Variants in CNBD1 observed in about 807,000 individuals in gnomAD.
The protein encoded by CNBD1 is cyclic nucleotide-binding domain-containing protein 1.
CNBD1 carries 71 observed loss-of-function variants against 54.4 expected under a neutral mutation model. That is an observed-to-expected ratio of 1.30 (90% CI 1.08 to 1.59). The LOEUF is 1.59. Ranked by LOEUF, CNBD1 falls within the 40% of genes most tolerant of loss-of-function variation. The probability of loss-of-function intolerance (pLI) is 0.00; values close to 1 mark genes in which losing one functional copy is unlikely to be tolerated. For missense variants in CNBD1, 659 were observed against 518.0 expected (o/e 1.27, Z -2.64); for synonymous variants, 182 against 170.7 (o/e 1.07, Z -0.51).
intron 8 of CNBD1, among the ~76,000 whole-genome samples, chr8:87,304,496 T>C (rs1297019439): frequency 6.7e-6 from 1 of 148,386 alleles, no homozygotes; most frequent in Non-Finnish European, 1.5e-5. Flanking sequence ...TGGGGTGGGG[T>C]GAGGGGGGAG....
intron 2 of CNBD1, among the ~76,000 whole-genome samples, chr8:87,427,617 A>G (rs1160715161): frequency 6.6e-6 from 1 of 152,228 alleles, no homozygotes; most frequent in Non-Finnish European, 1.5e-5. Flanking sequence ...AAATTGAATT[A>G]CTTGTTAATA....
chr8:87,147,996 G>A (rs187577948), intron 4 of CNBD1, among the ~76,000 whole-genome samples: 1 of 152,182 alleles, frequency 6.6e-6, no homozygotes, highest in Admixed American at 6.5e-5. Flanking sequence ...TCTAGGCAAT[G>A]TATTTTTCTT....
In CNBD1 at chr8:87,218,335, A is replaced by G. The variant is rs184219303; in HGVS notation, c.577+12197A>G. ...GTACTGATCTAAAGTTCATTCAGGAACAAAATATTTATTGCTAGATGATAA... is the reference window on the plus strand; with the variant it reads ...GTACTGATCTAAAGTTCATTCAGGAGCAAAATATTTATTGCTAGATGATAA... On this transcript the variant is annotated intron_variant, in intron 5 of 10. Transcript: ENST00000518476. Among the ~76,000 whole-genome samples, 321 of 152,224 alleles carry G rather than the reference A, an allele frequency of 2.1e-3. 1 individual carries two copies. Among genetic ancestry groups the G allele is most frequent in the Non-Finnish European group, 3.8e-3 (259 of 67,934 alleles).
intron 2 of CNBD1, among the ~76,000 whole-genome samples, chr8:87,417,737 T>C (rs1807860151): frequency 6.6e-6 from 1 of 151,950 alleles, no homozygotes; most frequent in Non-Finnish European, 1.5e-5. Context: ...ATTAATTTCA[T>C]TTATGATAGT....
chr8:87,086,092 C>T (rs984217975), intron 4 of CNBD1, among the ~76,000 whole-genome samples: 2 of 152,114 alleles, frequency 1.3e-5, no homozygotes, highest in Admixed American at 6.6e-5. Context: ...CATCTAAGTT[C>T]CTGGTGAGAT....
chr8:87,160,202 T>C (rs1046545519), intron 4 of CNBD1, among the ~76,000 whole-genome samples: 1 of 151,864 alleles, frequency 6.6e-6, no homozygotes, highest in Non-Finnish European at 1.5e-5. Context: ...TTAATGCAAC[T>C]TATAAGAACA....
At chr8:87,221,634 G>A (rs1055341234) in intron 5 of CNBD1, among the ~76,000 whole-genome samples, 3 of 151,824 alleles carry the variant, frequency 2.0e-5, no homozygotes, top group Admixed American at 2.0e-4. Flanking sequence ...ACTCATTTAA[G>A]GATGTTTGCC....
intron 4 of CNBD1, among the ~76,000 whole-genome samples, chr8:87,002,208 C>G (rs552985480): frequency 1.3e-5 from 2 of 152,304 alleles, no homozygotes; most frequent in Admixed American, 1.3e-4. Flanking sequence ...CCAATCACTT[C>G]TTTTTACCTC....
chr8:87,157,259 C>A (rs1812761211), intron 4 of CNBD1, among the ~76,000 whole-genome samples: 2 of 152,142 alleles, frequency 1.3e-5, no homozygotes, highest in African/African-American at 4.8e-5. Flanking sequence ...ATTGGTCTGG[C>A]TAATTTATAA....
intron 4 of CNBD1, among the ~76,000 whole-genome samples, chr8:86,975,796 A>C (rs191037425): frequency 9.2e-5 from 14 of 151,964 alleles, no homozygotes; most frequent in Admixed American, 7.9e-4. Context: ...TTTTTTGGAG[A>C]ACCCTCATCT....
At chr8:87,183,482 T>C (rs1367034727) in intron 4 of CNBD1, among the ~76,000 whole-genome samples, 3 of 151,690 alleles carry the variant, frequency 2.0e-5, no homozygotes, top group African/African-American at 7.3e-5. Context: ...ACTCCTCTTG[T>C]ATCTCGATGA....
chr8:87,080,839 A>T (rs549593397), intron 4 of CNBD1, among the ~76,000 whole-genome samples: 1 of 152,210 alleles, frequency 6.6e-6, no homozygotes, highest in Admixed American at 6.5e-5. Flanking sequence ...GTCAATGTTA[A>T]TAATATTCAC....
intron 10 of CNBD1, among the ~76,000 whole-genome samples, chr8:87,364,682 C>T (rs547419221): frequency 6.6e-6 from 1 of 151,780 alleles, no homozygotes; most frequent in South Asian, 2.1e-4. Flanking sequence ...GTGTATTGTT[C>T]CCCTTTGTGC....
chr8:87,337,527 T>G (rs979215683), intron 8 of CNBD1, among the ~76,000 whole-genome samples: 5 of 152,234 alleles, frequency 3.3e-5, no homozygotes, highest in African/African-American at 1.2e-4. Flanking sequence ...TCCCCCTGGC[T>G]TAGGCCAATT....
At chr8:87,327,055 A>C (rs1809685944) in intron 8 of CNBD1, among the ~76,000 whole-genome samples, 1 of 149,338 alleles carries the variant, frequency 6.7e-6, no homozygotes, top group South Asian at 2.1e-4. Context: ...CTGTTGGAAT[A>C]CCCTGCCGTG....
chr8:86,906,572 T>C (rs1809021280), intron 3 of CNBD1, among the ~76,000 whole-genome samples: 1 of 152,206 alleles, frequency 6.6e-6, no homozygotes, highest in African/African-American at 2.4e-5. Flanking sequence ...AAAAATACTT[T>C]GTACTTTTTG....
intron 4 of CNBD1, among the ~76,000 whole-genome samples, chr8:87,050,864 G>T (rs1334266897): frequency 1.2e-4 from 18 of 152,170 alleles, no homozygotes; most frequent in Admixed American, 1.2e-3. Flanking sequence ...AGTTATCCAT[G>T]ATGATATCTA....
intron 4 of CNBD1, among the ~76,000 whole-genome samples, chr8:86,959,120 C>G (rs1002749778): frequency 5.3e-5 from 8 of 152,102 alleles, no homozygotes; most frequent in Non-Finnish European, 1.2e-4. Context: ...CTTATTTTGA[C>G]TGGATATGAA....
At chr8:87,164,070 T>G (rs59370065) in intron 4 of CNBD1, among the ~76,000 whole-genome samples, 9,311 of 152,034 alleles carry the variant, frequency 0.061, 959 homozygotes, top group African/African-American at 0.21. Context: ...ATTTTTATCC[T>G]TTATTCTGTT....
Sources: gnomAD v4.1 joint callset for allele counts (sites outside exome capture counted in the v4.1 genomes callset) on GRCh38, gnomAD v4.1.1 for gene constraint, MANE v1.5 for transcripts, NCBI Gene and HGNC (gene_info 2026-07-23, HGNC 2026-07-21) for gene names.